UMOD: variants seen among roughly 807,000 people sequenced by gnomAD.
The protein encoded by UMOD is Tamm-Horsfall urinary glycoprotein.
A neutral mutation model predicts 66.0 loss-of-function variants in UMOD; 64 were observed. That is an observed-to-expected ratio of 0.97 (90% confidence interval 0.79 to 1.19). The LOEUF is 1.19. UMOD is among the 50% of genes most tolerant of loss of function. The probability of loss-of-function intolerance (pLI) is 0.00; values close to 1 mark genes in which losing one functional copy is unlikely to be tolerated. For synonymous variants in UMOD, 398 were observed against 352.7 expected, an observed-to-expected ratio of 1.13 and a Z score of -1.44; for missense variants, 764 against 850.9, an observed-to-expected ratio of 0.90 and a Z score of 1.27.
Position 20,350,798 on chromosome 16 carries a change from TG to T in UMOD, c.-62del, listed in dbSNP as rs756464109. 6 of 1,609,270 alleles carry T rather than the reference TG, an allele frequency of 3.7e-6. No homozygotes were observed. The South Asian group carries it at 6.6e-5, about 18-fold the overall frequency. On this transcript the variant is annotated 5_prime_UTR_variant, in exon 2 of 11. Transcript: ENST00000396138. ...GCACCTGCCCAAAGGAAAGACGGGT[TG>T]GCCCTTTGAATTTTTCTCTCTGTCT...
In UMOD at chr16:20,344,005, G is replaced by A. The variant is rs752229557; in HGVS notation, c.1331+19C>T. ...GGTTAGAACCATCTAGGGGCCCTAGGGACCCTCTCTGGCCACACCTGACCA... is the reference window on the plus strand; with the variant it reads ...GGTTAGAACCATCTAGGGGCCCTAGAGACCCTCTCTGGCCACACCTGACCA... On this transcript the variant is annotated intron_variant, in intron 6 of 10. Transcript: ENST00000396138. The A allele has an allele frequency of 5.0e-6, 8 of 1,612,862 alleles. No homozygotes were observed. The highest frequency in any genetic ancestry group is 4.0e-5 in the African/African-American group (3 of 74,870).
At chr16:20,344,748 C>T (rs560539835) in intron 5 of UMOD, among the ~76,000 whole-genome samples, 21 of 152,244 alleles carry the variant, frequency 1.4e-4, no homozygotes, top group African/African-American at 4.6e-4. Flanking sequence ...TGCCAGACCC[C>T]GAGTGGAATA....
At chr16:20,346,356 T>G (rs372962223) in intron 4 of UMOD, 22 bp from the exon 5 acceptor site, 112 of 1,613,602 alleles carry the variant, frequency 6.9e-5, no homozygotes, top group Non-Finnish European at 8.8e-5. Flanking sequence ...TAGGTGGGAT[T>G]GAGGACGTGT....
intron 9 of UMOD, 92 bp downstream of exon 9, chr16:20,336,554 G>A (rs943897641): frequency 8.0e-7 from 1 of 1,242,806 alleles, no homozygotes; most frequent in African/African-American, 1.5e-5. Flanking sequence ...TCAGAGCTCA[G>A]TAAGGTGCCA....
At chr16:20,354,845 G>A (rs528732457), upstream of UMOD, among the ~76,000 whole-genome samples, 23 of 152,144 alleles carry the variant, frequency 1.5e-4, no homozygotes, top group African/African-American at 5.5e-4. Context: ...GTGCCTTTCC[G>A]ACTGCAAATC....
chr16:20,340,010 C>A (rs999080355), intron 7 of UMOD, among the ~76,000 whole-genome samples: 1 of 152,108 alleles, frequency 6.6e-6, no homozygotes, highest in Non-Finnish European at 1.5e-5. Flanking sequence ...CTTACTCCTC[C>A]CCCAGGTGCT....
intron 10 of UMOD, 93 bp downstream of exon 10, chr16:20,335,389 A>G: frequency 7.5e-7 from 1 of 1,335,272 alleles, no homozygotes; most frequent in Non-Finnish European, 1.1e-6. Flanking sequence ...CACCTCCCTT[A>G]TAGAGTTGCT....
At position 20,333,329 on chromosome 16, in the gene UMOD, G is replaced by C. The variant is rs369335930; in HGVS notation, c.1908C>G (p.Thr636=). The C allele has an allele frequency of 1.9e-6, 3 of 1,613,108 alleles. No individual in the cohort carries two copies. The highest frequency in any genetic ancestry group is 2.5e-6 in the Non-Finnish European group (3 of 1,179,780). ...CCGCTGTCAGTCACTGAAAAGTCAGGGTCAAGGTGGCCGAGAGAAGCAGAG... is the reference window on the plus strand; with the variant it reads ...CCGCTGTCAGTCACTGAAAAGTCAGCGTCAAGGTGGCCGAGAGAAGCAGAG... ...WLPLLLSATL[T]LTFQ is the part of the protein sequence containing the mutation. The change falls in exon 11 of 11, where the codon ACC becomes ACG. Residue 636 remains threonine, a synonymous_variant. Coordinates refer to ENST00000396138, the MANE Select transcript of UMOD (RefSeq NM_003361.4).
At position 20,333,152 on chromosome 16, in the gene UMOD, A is replaced by G; in HGVS notation, c.*162T>C. The G allele has an allele frequency of 1.3e-6, 1 of 749,640 alleles. No homozygotes were observed. The highest frequency in any genetic ancestry group is 2.3e-6 in the Non-Finnish European group (1 of 427,666). 46.4% of individuals were successfully genotyped at this position (749,640 alleles called of 1,614,324 possible). ...TTGAGAAAAAGCAGCATTTAAAGAC[A>G]CAGGCTGTTTCTCGACAGCCAGGAT... On this transcript the variant is annotated 3_prime_UTR_variant, in exon 11 of 11. Coordinates refer to ENST00000396138, the MANE Select transcript of UMOD (RefSeq NM_003361.4).
At chr16:20,352,958 G>C (rs1330809446), upstream of UMOD, 2 of 382,952 alleles carry the variant, frequency 5.2e-6, no homozygotes, top group Non-Finnish European at 4.6e-6. Flanking sequence ...CAAGGTCACT[G>C]TTTCGCACCT....
In UMOD at chr16:20,341,327, G is replaced by A. The variant is rs765419204; in HGVS notation, c.1341C>T (p.Asn447=). ...ACATGCCGGTCCCGCCCACTCTGAT[G>A]TTTAGAGCACTGCCAGGGGAGAAGG... ...TALQPMVSAL[N]IRVGGTGMFT... Residue 447 remains asparagine (N), a synonymous_variant, in exon 7 of 11, where the codon AAC becomes AAT. Transcript: ENST00000396138. 3 of 1,613,764 alleles carry A rather than the reference G, an allele frequency of 1.9e-6. No individual in the cohort carries two copies. In the South Asian group the frequency reaches 3.3e-5, roughly 18 times the overall value.
intron 6 of UMOD, among the ~76,000 whole-genome samples, chr16:20,341,824 T>G (rs1965240137): frequency 6.6e-6 from 1 of 152,224 alleles, no homozygotes; most frequent in Admixed American, 6.5e-5. Context: ...TCCATCGTGA[T>G]GTACTAACAT....
intron 5 of UMOD, among the ~76,000 whole-genome samples, chr16:20,344,518 G>A (rs903328302): frequency 2.0e-4 from 30 of 151,104 alleles, no homozygotes; most frequent in African/African-American, 7.0e-4. Flanking sequence ...CAGGAGAATC[G>A]CTTGAACCCG....
chr16:20,335,674 A>G (rs1964831768), intron 9 of UMOD, among the ~76,000 whole-genome samples, 154 bp from the exon 10 acceptor site: 1 of 152,210 alleles, frequency 6.6e-6, no homozygotes, highest in Non-Finnish European at 1.5e-5. Flanking sequence ...CTTCAGACCC[A>G]TCAGGGGCTC....
At chr16:20,350,625 C>A (rs764836762) in intron 2 of UMOD, 25 bp downstream of exon 2, 1 of 1,613,530 alleles carries the variant, frequency 6.2e-7, no homozygotes, top group South Asian at 1.1e-5. Context: ...CACACATATA[C>A]AACGCACACA....
intron 2 of UMOD, 127 bp from the exon 3 acceptor site, chr16:20,349,339 A>C: frequency 9.4e-7 from 1 of 1,069,184 alleles, no homozygotes; most frequent in Non-Finnish European, 1.4e-6. Context: ...TCCCTCCAAA[A>C]CAAGGAAAGA....
chr16:20,348,751 A>G lies in UMOD; in HGVS notation c.550T>C (p.Trp184Arg), dbSNP rs1277655434. The change falls in exon 3 of 11, where the codon TGG (tryptophan) becomes CGG (arginine). Residue 184 changes from tryptophan (W) to arginine (R), a missense_variant. Trp to Arg is a moderately radical substitution (Grantham distance 101). Transcript: ENST00000396138. ...CCCTCCCCGTACTCGGTGCTGCGCC[A>G]GTACTCGTCCAGGGTGCGGTGCGCC... is the stretch of plus-strand genomic sequence containing the variant. ...CQAHRTLDEY[W>R]RSTEYGEGYA... is the part of the protein sequence containing the mutation. The G allele has an allele frequency of 6.5e-7, 1 of 1,544,436 alleles. No individual in the cohort carries two copies. The highest frequency in any genetic ancestry group is 8.7e-7 in the Non-Finnish European group (1 of 1,145,952).
At position 20,333,274 on chromosome 16, in the gene UMOD, T is replaced by C. The variant is rs1212910953; in HGVS notation, c.*40A>G. 5 of 1,590,042 alleles carry C rather than the reference T, an allele frequency of 3.1e-6. No homozygotes were observed. Among genetic ancestry groups the C allele is most frequent in the Non-Finnish European group, 4.3e-6 (5 of 1,162,962 alleles). On this transcript the variant is annotated 3_prime_UTR_variant, in exon 11 of 11. Transcript: ENST00000396138. Reference sequence around the variant, plus strand: ...ATCATGCCCCCTGCCCAGCAGGAGGTGAGATGGCAGCCATGGAGCACAGGG... The same window carrying C: ...ATCATGCCCCCTGCCCAGCAGGAGGCGAGATGGCAGCCATGGAGCACAGGG...
chr16:20,338,723 A>G (rs1965018797), intron 7 of UMOD, among the ~76,000 whole-genome samples: 1 of 151,576 alleles, frequency 6.6e-6, no homozygotes, highest in Admixed American at 6.6e-5. Context: ...CGAACTCCTG[A>G]CCTCGTGATC....
Sources: gnomAD v4.1 joint callset for allele counts (sites outside exome capture counted in the v4.1 genomes callset) on GRCh38, gnomAD v4.1.1 for gene constraint, MANE v1.5 for transcripts, NCBI Gene and HGNC (gene_info 2026-07-23, HGNC 2026-07-21) for gene names.